The following CADM2 variants were observed in gnomAD, a reference collection of about 807,000 sequenced individuals.
The protein encoded by CADM2 is cell adhesion molecule 2.
A neutral mutation model predicts 49.8 loss-of-function variants in CADM2; 12 were observed. That is an observed-to-expected ratio of 0.24 (90% CI 0.15 to 0.39). The LOEUF (loss-of-function observed/expected upper bound fraction) is 0.39. Among genes scored for constraint, CADM2 ranks in the 10% least tolerant of loss-of-function variants. The pLI is 1.00. For synonymous variants in CADM2, 214 were observed against 175.4 expected (o/e 1.22, Z -1.74); for missense variants, 378 against 492.3 (o/e 0.77, Z 2.20).
chr3:85,350,315 C>A (rs2031211408), intron 1 of CADM2, among the ~76,000 whole-genome samples: 1 of 152,066 alleles, frequency 6.6e-6, no homozygotes, highest in South Asian at 2.1e-4. Flanking sequence ...TGACAAAACA[C>A]ATGTCTAATA....
chr3:85,120,962 A>G (rs182018463), intron 1 of CADM2, among the ~76,000 whole-genome samples: 97 of 152,326 alleles, frequency 6.4e-4, no homozygotes, highest in African/African-American at 2.2e-3. Flanking sequence ...CAAAAGTGAT[A>G]TTTCCATGAA....
intron 1 of CADM2, among the ~76,000 whole-genome samples, chr3:85,101,039 A>G (rs2107544536): frequency 6.6e-6 from 1 of 152,254 alleles, no homozygotes; most frequent in East Asian, 1.9e-4. Flanking sequence ...GCGGATCACA[A>G]GGTTAGGAGT....
At chr3:85,870,132 G>A (rs534804290) in intron 3 of CADM2, among the ~76,000 whole-genome samples, 2 of 152,214 alleles carry the variant, frequency 1.3e-5, no homozygotes, top group South Asian at 4.1e-4. Flanking sequence ...ATGCAGCACT[G>A]ACTTGGTATT....
intron 4 of CADM2, among the ~76,000 whole-genome samples, chr3:85,885,193 A>G (rs1486271567): frequency 6.6e-6 from 1 of 152,120 alleles, no homozygotes; most frequent in Non-Finnish European, 1.5e-5. Context: ...ATTGTAAATT[A>G]TATTAAATGA....
At chr3:85,804,259 G>A (rs558488742) in intron 3 of CADM2, among the ~76,000 whole-genome samples, 1 of 152,098 alleles carries the variant, frequency 6.6e-6, no homozygotes, top group South Asian at 2.1e-4. Context: ...TGTTCATTAC[G>A]AAACTAAATA....
intron 1 of CADM2, among the ~76,000 whole-genome samples, chr3:85,238,499 A>G (rs1246497079): frequency 2.6e-5 from 4 of 151,930 alleles, no homozygotes; most frequent in Non-Finnish European, 4.4e-5. Flanking sequence ...AAGTAAAGAT[A>G]TATCTTCCCT....
chr3:85,630,290 C>T (rs569784183), intron 1 of CADM2, among the ~76,000 whole-genome samples: 2 of 151,896 alleles, frequency 1.3e-5, no homozygotes, highest in East Asian at 1.9e-4. Flanking sequence ...ATTTCCATTC[C>T]GACTTATACC....
chr3:85,144,566 C>T (rs1054620165), intron 1 of CADM2, among the ~76,000 whole-genome samples: 3 of 148,698 alleles, frequency 2.0e-5, no homozygotes, highest in Non-Finnish European at 4.4e-5. Flanking sequence ...GAGCCAAGAT[C>T]GCACCACTGC....
chr3:85,794,366 G>A (rs547593851), intron 2 of CADM2, among the ~76,000 whole-genome samples: 85 of 152,262 alleles, frequency 5.6e-4, no homozygotes, highest in African/African-American at 1.9e-3. Context: ...AACACCTTTT[G>A]AGAGCTTCTA....
intron 1 of CADM2, among the ~76,000 whole-genome samples, chr3:85,003,442 A>G (rs1215745019): frequency 6.6e-6 from 1 of 152,192 alleles, no homozygotes; most frequent in African/African-American, 2.4e-5. Context: ...TGAAAGCATT[A>G]TATTAAATGG....
intron 1 of CADM2, among the ~76,000 whole-genome samples, chr3:85,628,779 A>G (rs1205404447): frequency 6.6e-6 from 1 of 150,680 alleles, no homozygotes; most frequent in Admixed American, 6.7e-5. Context: ...AAAGGCTCAA[A>G]TGGTGATTAC....
intron 1 of CADM2, among the ~76,000 whole-genome samples, chr3:85,426,750 CAT>C (rs2036425440): frequency 6.6e-6 from 1 of 152,148 alleles, no homozygotes; most frequent in Admixed American, 6.6e-5. Context: ...TAAAAATTTC[CAT>C]ATGTTTCTGT....
At chr3:85,642,693 C>T (rs1559961739) in intron 1 of CADM2, among the ~76,000 whole-genome samples, 2 of 152,084 alleles carry the variant, frequency 1.3e-5, no homozygotes, top group African/African-American at 4.8e-5. Context: ...CTTGGAAATG[C>T]TATTAATGAG....
At chr3:85,206,136 C>CT (rs552013830) in intron 1 of CADM2, among the ~76,000 whole-genome samples, 45 of 150,592 alleles carry the variant, frequency 3.0e-4, no homozygotes, top group African/African-American at 4.9e-4. Context: ...ATTCGTTTTG[C>CT]TTTTTTTTTG....
chr3:85,347,109 G>A (rs1054226885), intron 1 of CADM2, among the ~76,000 whole-genome samples: 4 of 150,896 alleles, frequency 2.7e-5, no homozygotes, highest in Non-Finnish European at 4.4e-5. Context: ...TGTGATCCGA[G>A]CTACTCTGGA....
chr3:85,600,371 C>T (rs2063356187), intron 1 of CADM2, among the ~76,000 whole-genome samples: 1 of 151,936 alleles, frequency 6.6e-6, no homozygotes, highest in Non-Finnish European at 1.5e-5. Context: ...TCTTGTTCGT[C>T]AGCACTTTGC....
intron 1 of CADM2, among the ~76,000 whole-genome samples, chr3:85,693,559 G>C (rs1259217059): frequency 1.3e-5 from 1 of 75,436 alleles, no homozygotes; most frequent in South Asian, 4.7e-4. Flanking sequence ...CTGCCTCGGC[G>C]AAAGAGCAAA....
chr3:85,989,967 G>A (rs753093386), intron 8 of CADM2, among the ~76,000 whole-genome samples: 9 of 103,608 alleles, frequency 8.7e-5, no homozygotes, highest in South Asian at 6.9e-4. Flanking sequence ...AGCTGAGATC[G>A]CACCACTGCC....
In CADM2 at chr3:85,407,322, C is replaced by T. The variant is rs144501746; in HGVS notation, c.62-319200C>T. Among the ~76,000 whole-genome samples, 308 of 152,314 alleles carry T rather than the reference C, an allele frequency of 2.0e-3. 3 individuals are homozygous for T. The highest frequency in any genetic ancestry group is 7.3e-3 in the African/African-American group (302 of 41,580). Reference sequence around the variant, plus strand: ...TGAGCTCTGTAAAATTTGGCACCCTCCTGTCCTTACAGGCTGGGTTTTGTC... The same window carrying T: ...TGAGCTCTGTAAAATTTGGCACCCTTCTGTCCTTACAGGCTGGGTTTTGTC... On this transcript the variant is annotated intron_variant, in intron 1 of 9. Transcript: ENST00000383699.
Sources: gnomAD v4.1 joint callset for allele counts (sites outside exome capture counted in the v4.1 genomes callset) on GRCh38, gnomAD v4.1.1 for gene constraint, MANE v1.5 for transcripts, NCBI Gene and HGNC (gene_info 2026-07-23, HGNC 2026-07-21) for gene names.